The following UGT2B15 variants were observed in gnomAD, a reference collection of about 807,000 sequenced individuals.
UGT2B15 encodes UDP-glucuronosyltransferase 2B15.
In UGT2B15, 36 loss-of-function variants were observed where a neutral mutation model predicts 45.9. The ratio of observed to expected loss-of-function variants is 0.78; its 90% CI spans 0.60 to 1.04. The LOEUF is 1.04. Among genes scored for constraint, UGT2B15 ranks in the 50% least tolerant of loss-of-function variants. The pLI is 0.00. For synonymous variants in UGT2B15, 219 were observed against 216.4 expected (o/e 1.01, Z -0.11); for missense variants, 617 against 622.4 (o/e 0.99, Z 0.09).
rs188951695 is a variant in UGT2B15 at position 68,652,615 on chromosome 4, C to A, written c.1313+1422G>T. On this transcript the variant is annotated intron_variant, in intron 5 of 5. Coordinates refer to ENST00000338206, the MANE Select transcript of UGT2B15 (RefSeq NM_001076.4). ...TTGATGGTAGCTGGTCTAGGCACAG[C>A]ATTTTTCATAGTATTTCCTTTGGAT... 5.3e-3 allele frequency among the ~76,000 whole-genome samples: 809 copies of A among 151,430 alleles called. 4 individuals are homozygous for A. The highest frequency in any genetic ancestry group is 0.01 in the Middle Eastern group (3 of 294).
intron 2 of UGT2B15, among the ~76,000 whole-genome samples, chr4:68,663,761 C>G (rs543018094): frequency 6.7e-6 from 1 of 148,922 alleles, no homozygotes; most frequent in Non-Finnish European, 1.5e-5. Context: ...TCACTGCCCC[C>G]GACACCCCCA....
chr4:68,647,112 T>C lies in UGT2B15; in HGVS notation c.1585A>G (p.Arg529Gly), dbSNP rs759452540. Residue 529 changes from arginine to glycine, a missense_variant, in exon 6 of 6, where the codon AGA becomes GGA. By Grantham distance (125) the Arg-to-Gly change is moderately radical (BLOSUM62 -2). Coordinates refer to ENST00000338206, the MANE Select transcript of UGT2B15 (RefSeq NM_001076.4). ...TCAGGCTTTTGATATAACTAATCTC[T>C]TTTCTTCTTCTTTCCTTTTTTGGCA... ...KLAKKGKKKK[R>G]D 6 of 1,613,064 alleles carry C rather than the reference T, an allele frequency of 3.7e-6. No individual in the cohort carries two copies. Among genetic ancestry groups the C allele is most frequent in the Non-Finnish European group, 5.1e-6 (6 of 1,179,400 alleles).
intron 2 of UGT2B15, among the ~76,000 whole-genome samples, chr4:68,665,780 C>T (rs1733101531): frequency 6.6e-6 from 1 of 152,166 alleles, no homozygotes; most frequent in Non-Finnish European, 1.5e-5. Flanking sequence ...ACAACGGAGG[C>T]TCACACTTGT....
rs754775346 is a variant in UGT2B15 at position 68,668,151 on chromosome 4, A to G, written c.762T>C (p.Ala254=). Residue 254 remains alanine, a synonymous_variant, in exon 2 of 6, where the codon GCT becomes GCC. Coordinates refer to ENST00000338206, the MANE Select transcript of UGT2B15 (RefSeq NM_001076.4). ...AATAGGTTCGAATGAGCCACATTTC[A>G]GCTTTCCCCATTGTCTCAAATAATG... ...PTTLFETMGK[A]EMWLIRTYWD... is the part of the protein sequence containing the mutation. 13 of 1,613,582 alleles carry G rather than the reference A, an allele frequency of 8.1e-6. No individual in the cohort carries two copies. The African/African-American group carries it at 1.6e-4, about 20-fold the overall frequency.
Position 68,655,368 on chromosome 4 carries a change from C to T in UGT2B15, c.1006-186G>A, listed in dbSNP as rs150072082. Among the ~76,000 whole-genome samples the T allele has an allele frequency of 4.6e-5, 7 of 152,058 alleles. No homozygotes were observed. In the South Asian group the frequency reaches 8.3e-4, roughly 18 times the overall value. On this transcript the variant is annotated intron_variant, in intron 3 of 5. Coordinates refer to ENST00000338206, the MANE Select transcript of UGT2B15 (RefSeq NM_001076.4). ...TAAGTTGAATACCCACGTTTAATGT[C>T]GTTACTTTTATAATCAATTTTGTAT...
At position 68,670,319 on chromosome 4, in the gene UGT2B15, A is replaced by G; in HGVS notation, c.300T>C (p.Gly100=). ...ATGACCAAAATGTATTTTTTGAAAC[A>G]CCATATATCCATCTATCGAGAATTT... The part of the protein sequence containing the change: ...LLKILDRWIY[G]VSKNTFWSYF... The change falls in exon 1 of 6, where the codon GGT becomes GGC. Residue 100 remains glycine, a synonymous_variant. Coordinates refer to ENST00000338206, the MANE Select transcript of UGT2B15 (RefSeq NM_001076.4). The G allele has an allele frequency of 6.2e-7, 1 of 1,613,926 alleles. No individual in the cohort carries two copies. The highest frequency in any genetic ancestry group is 8.5e-7 in the Non-Finnish European group (1 of 1,179,964).
At chr4:68,660,448 C>T (rs2109829340) in intron 3 of UGT2B15, among the ~76,000 whole-genome samples, 1 of 151,970 alleles carries the variant, frequency 6.6e-6, no homozygotes, top group East Asian at 1.9e-4. Flanking sequence ...ATCTGAGATT[C>T]TTTCTATAAG....
rs774920311 is a variant in UGT2B15 at position 68,670,142 on chromosome 4, C to T, written c.477G>A (p.Glu159=). The T allele has an allele frequency of 5.0e-6, 8 of 1,614,078 alleles. No individual in the cohort carries two copies. The South Asian group carries it at 8.8e-5, about 18-fold the overall frequency. The change falls in exon 1 of 6, where the codon GAG becomes GAA. Residue 159 remains glutamate, a synonymous_variant. Coordinates refer to ENST00000338206, the MANE Select transcript of UGT2B15 (RefSeq NM_001076.4). ...GTATGTTAAATAGTTCAGCCAGTAG[C>T]TCACCACAGGGATTAAGGGCATCTG... ...ILADALNPCG[E]LLAELFNIPF...
intron 5 of UGT2B15, among the ~76,000 whole-genome samples, chr4:68,650,493 G>A (rs1026939320): frequency 2.0e-5 from 3 of 151,838 alleles, no homozygotes; most frequent in Non-Finnish European, 4.4e-5. Context: ...CCTTTTTATG[G>A]TGCATAGTAT....
At chr4:68,664,397 A>G (rs1733059444) in intron 2 of UGT2B15, among the ~76,000 whole-genome samples, 1 of 151,958 alleles carries the variant, frequency 6.6e-6, no homozygotes, top group East Asian at 1.9e-4. Flanking sequence ...TCTTTTTCTC[A>G]GTAAAATAAT....
intron 3 of UGT2B15, among the ~76,000 whole-genome samples, chr4:68,660,342 A>G (rs1199159420): frequency 6.6e-6 from 1 of 151,522 alleles, no homozygotes; most frequent in Non-Finnish European, 1.5e-5. Context: ...AGGAGCCCCA[A>G]GTTTATTTTG....
At position 68,646,881 on chromosome 4, in the gene UGT2B15, C is replaced by T. The variant is rs571886417; in HGVS notation, c.*223G>A. 27 of 689,372 alleles carry T rather than the reference C, an allele frequency of 3.9e-5. No homozygotes were observed. The highest frequency in any genetic ancestry group is 2.5e-4 in the South Asian group (11 of 44,374). The allele number at this position is 689,372 out of a possible 1,614,324, so 42.7% of individuals were successfully genotyped here. A position where few individuals can be genotyped will look rare whatever the true frequency, so the allele number is the denominator to read the frequency against. ...CATTAGGTATATCTCCAAATGCTAT[C>T]CTTCCCCCCATTGTATTTTTCATAG... On this transcript the variant is annotated 3_prime_UTR_variant, in exon 6 of 6. Transcript: ENST00000338206.
intron 5 of UGT2B15, among the ~76,000 whole-genome samples, chr4:68,653,670 T>G (rs1732718235): frequency 6.6e-6 from 1 of 152,032 alleles, no homozygotes; most frequent in Admixed American, 6.6e-5. Context: ...AAAAATAAAT[T>G]TTTGAGAAAG....
intron 3 of UGT2B15, among the ~76,000 whole-genome samples, chr4:68,659,170 C>T (rs1560607493): frequency 6.6e-6 from 1 of 151,920 alleles, no homozygotes; most frequent in Non-Finnish European, 1.5e-5. Context: ...TTTATTAGGG[C>T]TTATTGTTTG....
Position 68,670,043 on chromosome 4 carries a change from A to G in UGT2B15, c.576T>C (p.Pro192=). Residue 192 remains proline (P), a synonymous_variant, in exon 1 of 6, where the codon CCT becomes CCC. Transcript: ENST00000338206. ...CTGACATAACAACAGGTACATAGGA[A>G]GGAGGGAACAGAAATCCTCCACCAT... The part of the protein sequence containing the change: ...EKNGGGFLFP[P]SYVPVVMSEL... The G allele has an allele frequency of 6.2e-7, 1 of 1,614,088 alleles. No homozygotes were observed. The highest frequency in any genetic ancestry group is 8.5e-7 in the Non-Finnish European group (1 of 1,179,970).
At position 68,647,235 on chromosome 4, in the gene UGT2B15, G is replaced by T. The variant is rs1426353376; in HGVS notation, c.1462C>A (p.Gln488Lys). 2.5e-6 allele frequency: 4 copies of T among 1,613,998 alleles called. No individual in the cohort carries two copies. Among genetic ancestry groups the T allele is most frequent in the Non-Finnish European group, 3.4e-6 (4 of 1,179,934 alleles). ...RVAAHNLTWIQYHSLDVIAFL... is the reference protein window; with the variant it reads ...RVAAHNLTWIKYHSLDVIAFL... ...GCTATCACATCCAAAGAGTGGTACT[G>T]GATCCAGGTGAGGTTGTGAGCTGCG... The change falls in exon 6 of 6, where the codon CAG (glutamine) becomes AAG (lysine). Residue 488 changes from glutamine (Q) to lysine (K), a missense_variant. By Grantham distance (53) the Gln-to-Lys change is moderately conservative. This residue lies in a region of UGT2B15 where 265 missense variants were observed against 245.1 expected (regional missense o/e 1.08). Coordinates refer to ENST00000338206, the MANE Select transcript of UGT2B15 (RefSeq NM_001076.4).
chr4:68,653,229 T>C (rs914317080), intron 5 of UGT2B15, among the ~76,000 whole-genome samples: 4 of 152,018 alleles, frequency 2.6e-5, no homozygotes, highest in Admixed American at 6.6e-5. Context: ...ATGCCAAAAT[T>C]GGAAAGACCT....
chr4:68,659,719 C>T (rs1732907595), intron 3 of UGT2B15, among the ~76,000 whole-genome samples: 1 of 151,748 alleles, frequency 6.6e-6, no homozygotes, highest in Admixed American at 6.6e-5. Flanking sequence ...TATACTCAGC[C>T]ATAAAATTCT....
intron 5 of UGT2B15, among the ~76,000 whole-genome samples, chr4:68,651,063 A>G (rs1732640123): frequency 7.0e-6 from 1 of 143,570 alleles, no homozygotes; most frequent in Non-Finnish European, 1.5e-5. Context: ...CCTTTGTCAG[A>G]GGGATAGATT....
Sources: allele counts gnomAD v4.1 joint callset (sites outside exome capture counted in the v4.1 genomes callset), GRCh38; gene constraint gnomAD v4.1.1; regional missense constraint gnomAD v4.1.1; transcripts MANE v1.5; gene names NCBI Gene and HGNC (gene_info 2026-07-23, HGNC 2026-07-21).